Variants in ESR2 observed in about 807,000 individuals in gnomAD.
The protein encoded by ESR2 is estrogen receptor 2.
A neutral mutation model predicts 49.6 loss-of-function variants in ESR2; 36 were observed. The ratio of observed to expected loss-of-function variants is 0.73; its 90% CI spans 0.56 to 0.96. ESR2 has a LOEUF of 0.96. Ranked by LOEUF, ESR2 falls within the 40% of genes least tolerant of loss-of-function variation. ESR2 has a pLI of 0.00. For missense variants in ESR2, 714 were observed against 693.0 expected (o/e 1.03, Z -0.34); for synonymous variants, 320 against 266.1 (o/e 1.20, Z -1.97).
intron 6 of ESR2, among the ~76,000 whole-genome samples, chr14:64,252,261 G>A (rs542219947): frequency 2.5e-4 from 38 of 151,788 alleles, no homozygotes; most frequent in Admixed American, 6.5e-4. Flanking sequence ...GCAGTGAGCC[G>A]TGATGGCACC....
chr14:64,232,975 C>T lies in ESR2; in HGVS notation c.*162G>A. The T allele has an allele frequency of 7.2e-7, 1 of 1,379,850 alleles. No individual in the cohort carries two copies. The highest frequency in any genetic ancestry group is 1.8e-5 in the South Asian group (1 of 54,530). The allele number at this position is 1,379,850 out of a possible 1,614,324, so 85.5% of individuals were successfully genotyped here. A position where few individuals can be genotyped will look rare whatever the true frequency, so the allele number is the denominator to read the frequency against. ...AAACTATGGCTTCCTCACACCGACT[C>T]CTGAGAGTTGGGAAGGTGGAGGGAA... On this transcript the variant is annotated 3_prime_UTR_variant, in exon 9 of 9. Transcript: ENST00000341099.
intron 3 of ESR2, among the ~76,000 whole-genome samples, chr14:64,272,051 T>A (rs1004756679): frequency 3.3e-5 from 5 of 152,208 alleles, no homozygotes; most frequent in Admixed American, 2.0e-4. Context: ...TTTCTCTACA[T>A]CCTCACTAGC....
At chr14:64,238,365 A>G (rs778050871) in intron 7 of ESR2, among the ~76,000 whole-genome samples, 21 of 151,832 alleles carry the variant, frequency 1.4e-4, no homozygotes, top group Middle Eastern at 3.2e-3. Context: ...GTAGGGGGGC[A>G]GTGTATATAC....
intron 3 of ESR2, among the ~76,000 whole-genome samples, chr14:64,269,214 A>T (rs2076390599): frequency 6.6e-6 from 1 of 152,262 alleles, no homozygotes; most frequent in Admixed American, 6.5e-5. Flanking sequence ...CTAACATTAA[A>T]TTGATTTGCT....
At chr14:64,259,403 GC>G (rs1274271867) in intron 5 of ESR2, among the ~76,000 whole-genome samples, 1 of 152,154 alleles carries the variant, frequency 6.6e-6, no homozygotes, top group East Asian at 1.9e-4. Flanking sequence ...CCATGGGAAT[GC>G]CCCCAGTGGC....
intron 1 of ESR2, among the ~76,000 whole-genome samples, chr14:64,332,934 T>C (rs1041671998): frequency 1.4e-5 from 2 of 145,492 alleles, no homozygotes; most frequent in Non-Finnish European, 3.0e-5. Context: ...GGTAGGGCAG[T>C]GGCGCGATCT....
intron 6 of ESR2, among the ~76,000 whole-genome samples, chr14:64,252,053 T>G (rs763201045): frequency 6.6e-6 from 1 of 152,172 alleles, no homozygotes; most frequent in Non-Finnish European, 1.5e-5. Context: ...AAGTGGCCCA[T>G]GTCTGTAATC....
chr14:64,261,232 C>CTTTCTTTTTTTTT (rs1555577156), intron 4 of ESR2, among the ~76,000 whole-genome samples: 2 of 88,682 alleles, frequency 2.3e-5, no homozygotes, highest in Non-Finnish European at 2.1e-5. Context: ...TTTTATTTTT[C>CTTTCTTTTTTTTT]TTTTTTCTTT....
chr14:64,334,285 G>A (rs2077501850), intron 1 of ESR2, among the ~76,000 whole-genome samples: 1 of 152,168 alleles, frequency 6.6e-6, no homozygotes, highest in Non-Finnish European at 1.5e-5. Context: ...TGGCTTTGTT[G>A]AGGGATCCAG....
chr14:64,256,885 A>G (rs1381747797), intron 6 of ESR2, among the ~76,000 whole-genome samples: 3 of 152,216 alleles, frequency 2.0e-5, no homozygotes, highest in Non-Finnish European at 4.4e-5. Context: ...AAACAGCAGG[A>G]CAACTTAAGA....
In ESR2 at chr14:64,235,125, G is replaced by T. The variant is rs1410557584; in HGVS notation, c.1251C>A (p.Thr417=). Residue 417 remains threonine, a synonymous_variant, in exon 8 of 9, where the codon ACC becomes ACA. Coordinates refer to ENST00000341099, the MANE Select transcript of ESR2 (RefSeq NM_001437.3). ...NSSMYPLVTA[T]QDADSSRKLA... is the part of the protein sequence containing the mutation. ...GCTTCCGGCTGCTGTCAGCATCCTG[G>T]GTCGCTGTGACCAGAGGGTACATAC... 1.9e-6 allele frequency: 3 copies of T among 1,613,936 alleles called. No individual in the cohort carries two copies. The South Asian group carries it at 3.3e-5, about 18-fold the overall frequency.
At chr14:64,334,479 T>C (rs67991812) in intron 1 of ESR2, among the ~76,000 whole-genome samples, 17,167 of 152,230 alleles carry the variant, frequency 0.11, 1,138 homozygotes, top group African/African-American at 0.17. Flanking sequence ...GCTGCTTTAC[T>C]TCAGAGTGAA....
At chr14:64,309,200 G>A (rs937423819) in intron 1 of ESR2, among the ~76,000 whole-genome samples, 1 of 152,124 alleles carries the variant, frequency 6.6e-6, no homozygotes, top group Non-Finnish European at 1.5e-5. Context: ...AACAAAAGGA[G>A]AGCCCCTGTA....
chr14:64,293,041 G>A (rs977144200), intron 1 of ESR2, among the ~76,000 whole-genome samples: 1 of 152,110 alleles, frequency 6.6e-6, no homozygotes, highest in African/African-American at 2.4e-5. Flanking sequence ...CAATCCTACG[G>A]TGTATACTCT....
chr14:64,241,300 T>C (rs2140644678), intron 7 of ESR2, among the ~76,000 whole-genome samples: 1 of 152,330 alleles, frequency 6.6e-6, no homozygotes, highest in East Asian at 1.9e-4. Flanking sequence ...ACATCTGTAG[T>C]TGTATAGATT....
chr14:64,229,409 G>A lies in ESR2; in HGVS notation c.*3728C>T, dbSNP rs997805807. Among the ~76,000 whole-genome samples, 3 of 152,082 alleles carry A rather than the reference G, an allele frequency of 2.0e-5. No individual in the cohort carries two copies. The highest frequency in any genetic ancestry group is 2.0e-4 in the Admixed American group (3 of 15,272). ...ACCTTGAATAGGTGAATTTGCCCCC[G>A]TGGGCTTTAATTTACACAGATATGA... On this transcript the variant is annotated 3_prime_UTR_variant, in exon 9 of 9. Transcript: ENST00000341099.
rs1217779338 is a variant in ESR2 at position 64,310,312 on chromosome 14, A to AT, written c.-90-27238dup. Among the ~76,000 whole-genome samples the AT allele has an allele frequency of 1.5e-3, 228 of 149,858 alleles. 1 individual carries two copies. Among genetic ancestry groups the AT allele is most frequent in the East Asian group, 4.7e-3 (24 of 5,124 alleles). The stretch of plus-strand genomic sequence containing the variant: ...AATAATAATAATAATAATAATAATA[A>AT]TAATAATTCTGGGTGTAGAGCAGCT... On this transcript the variant is annotated intron_variant, in intron 1 of 8. Transcript: ENST00000358599.
chr14:64,302,175 TATTTATTTA>T lies in ESR2; in HGVS notation c.-90-19109_-90-19101del, dbSNP rs1196954785. ...TATTTTTTATTTTTATTTATTTATT[TATTTATTTA>T]TTTATTTATTTATTTATTTTTTGAG... On this transcript the variant is annotated intron_variant, in intron 1 of 8. Coordinates refer to the ESR2 transcript ENST00000358599. 2.3e-4 allele frequency among the ~76,000 whole-genome samples: 34 copies of T among 149,006 alleles called. No individual in the cohort carries two copies. In the East Asian group the frequency reaches 3.5e-3, roughly 15 times the overall value.
At chr14:64,258,754 A>C (rs2076154631) in intron 5 of ESR2, among the ~76,000 whole-genome samples, 1 of 152,228 alleles carries the variant, frequency 6.6e-6, no homozygotes, top group South Asian at 2.1e-4. Flanking sequence ...TAATGTGTAT[A>C]TACCTTCCCA....
Sources: gnomAD v4.1 joint callset for allele counts (sites outside exome capture counted in the v4.1 genomes callset) on GRCh38, gnomAD v4.1.1 for gene constraint, MANE v1.5 for transcripts, NCBI Gene and HGNC (gene_info 2026-07-23, HGNC 2026-07-21) for gene names.